SNX7: variants seen among roughly 807,000 people sequenced by gnomAD.
SNX7 encodes the protein sorting nexin-7.
In SNX7, 35 loss-of-function variants were observed where a neutral mutation model predicts 48.4. The observed-to-expected ratio is 0.72, with a 90% CI of 0.55 to 0.96. The LOEUF (loss-of-function observed/expected upper bound fraction) is 0.96, where lower values mean the gene tolerates loss of function less well. Ranked by LOEUF, SNX7 falls within the 40% of genes least tolerant of loss-of-function variation. SNX7 has a pLI of 0.00. For synonymous variants in SNX7, 190 were observed against 190.2 expected, an observed-to-expected ratio of 1.00 and a Z score of 0.01; for missense variants, 553 against 548.9, an observed-to-expected ratio of 1.01 and a Z score of -0.07.
chr1:98,691,478 G>A, intron 3 of SNX7, 57 bp from the exon 4 acceptor site: 1 of 1,392,542 alleles, frequency 7.2e-7, no homozygotes, highest in Non-Finnish European at 9.6e-7. Flanking sequence ...GCGTAGAATT[G>A]CTTATAAACC....
upstream of SNX7, chr1:98,661,698 G>A (rs555236072): frequency 4.8e-5 from 58 of 1,202,524 alleles, 1 homozygote; most frequent in South Asian, 2.3e-3. Context: ...GGCTGGCGGC[G>A]GCGGTGGCGG....
chr1:98,710,341 A>G (rs1030341563), intron 7 of SNX7, among the ~76,000 whole-genome samples: 7 of 152,180 alleles, frequency 4.6e-5, no homozygotes, highest in African/African-American at 1.7e-4. Flanking sequence ...GGGGAGAAGA[A>G]GGAAGAAGAC....
chr1:98,682,425 A>C (rs1650553313), intron 1 of SNX7, among the ~76,000 whole-genome samples: 1 of 151,936 alleles, frequency 6.6e-6, no homozygotes, highest in African/African-American at 2.4e-5. Context: ...ATATTCTCTT[A>C]TTTTGGAGAA....
At chr1:98,677,212 C>T (rs966439082) in intron 1 of SNX7, 5 of 152,208 alleles carry the variant, frequency 3.3e-5, no homozygotes, top group African/African-American at 9.6e-5. Context: ...TTAAAGTTTA[C>T]TGTAATTATC....
chr1:98,686,150 A>G (rs1206929149), intron 2 of SNX7, among the ~76,000 whole-genome samples: 1 of 152,078 alleles, frequency 6.6e-6, no homozygotes, highest in Non-Finnish European at 1.5e-5. Context: ...TCAATATACA[A>G]CTCAAAATGT....
intron 7 of SNX7, among the ~76,000 whole-genome samples, chr1:98,707,031 A>G (rs1652046161): frequency 6.6e-6 from 1 of 152,208 alleles, no homozygotes; most frequent in Non-Finnish European, 1.5e-5. Flanking sequence ...ATTAGCAAAT[A>G]GATGGTATTT....
intron 7 of SNX7, among the ~76,000 whole-genome samples, chr1:98,727,092 C>A (rs954901774): frequency 2.0e-5 from 3 of 152,124 alleles, no homozygotes; most frequent in Admixed American, 2.0e-4. Flanking sequence ...CACCTGTAGT[C>A]TCAGCTACTT....
At chr1:98,701,948 CTAAAA>C in intron 7 of SNX7, 45 bp downstream of exon 7, 1 of 1,382,406 alleles carries the variant, frequency 7.2e-7, no homozygotes, top group Non-Finnish European at 1.0e-6. Context: ...AATTCATTGT[CTAAAA>C]TTTTTATTAG....
At chr1:98,716,603 G>A (rs1191229713) in intron 7 of SNX7, among the ~76,000 whole-genome samples, 1 of 152,146 alleles carries the variant, frequency 6.6e-6, no homozygotes, top group Non-Finnish European at 1.5e-5. Flanking sequence ...GAAGGTAGTA[G>A]TGGAGATTTT....
intron 7 of SNX7, among the ~76,000 whole-genome samples, chr1:98,726,813 C>A (rs61527687): frequency 0.21 from 32,116 of 152,102 alleles, 3,661 homozygotes; most frequent in East Asian, 0.31. Context: ...TAAGTCCCTG[C>A]TAGACTGTAA....
intron 4 of SNX7, 67 bp from the exon 5 acceptor site, chr1:98,695,451 A>G (rs543185180): frequency 2.1e-6 from 3 of 1,455,716 alleles, no homozygotes; most frequent in East Asian, 4.5e-5. Flanking sequence ...AATTAGGTTT[A>G]TTTTTGTATT....
At chr1:98,734,453 G>C in intron 7 of SNX7, among the ~76,000 whole-genome samples, 1 of 152,152 alleles carries the variant, frequency 6.6e-6, no homozygotes, top group Admixed American at 6.6e-5. Flanking sequence ...TTGACTGGCA[G>C]ACATCGGTTT....
chr1:98,688,179 A>T (rs1231221171), intron 2 of SNX7, among the ~76,000 whole-genome samples: 1 of 152,172 alleles, frequency 6.6e-6, no homozygotes, highest in Non-Finnish European at 1.5e-5. Context: ...AAATATTTAT[A>T]TTCATGGGTA....
chr1:98,669,618 G>T (rs1649741072), intron 1 of SNX7, among the ~76,000 whole-genome samples: 2 of 152,180 alleles, frequency 1.3e-5, no homozygotes, highest in African/African-American at 4.8e-5. Flanking sequence ...ATTTAAACAG[G>T]ATTTGTGGTA....
chr1:98,694,801 A>T (rs1570528716), intron 4 of SNX7, among the ~76,000 whole-genome samples: 1 of 150,792 alleles, frequency 6.6e-6, no homozygotes, highest in South Asian at 2.1e-4. Context: ...GTAGAGAGGG[A>T]GTTTCACCGT....
At chr1:98,737,476 C>T (rs1019900155) in intron 7 of SNX7, among the ~76,000 whole-genome samples, 2 of 151,980 alleles carry the variant, frequency 1.3e-5, no homozygotes, top group Non-Finnish European at 2.9e-5. Flanking sequence ...AGGTCTTAGA[C>T]GAATGCCTGC....
intron 1 of SNX7, among the ~76,000 whole-genome samples, chr1:98,679,664 A>G (rs1650369033): frequency 6.6e-6 from 1 of 152,214 alleles, no homozygotes; most frequent in Non-Finnish European, 1.5e-5. Flanking sequence ...CAAAGGGGCT[A>G]CAGGCTCATG....
chr1:98,751,788 A>G (rs988653172), intron 8 of SNX7, among the ~76,000 whole-genome samples: 3 of 152,118 alleles, frequency 2.0e-5, no homozygotes, highest in African/African-American at 7.2e-5. Context: ...AAATGAAATT[A>G]CCTGATTTCA....
In SNX7 at chr1:98,751,460, G is replaced by C. The variant is rs576324596; in HGVS notation, c.1279-8594G>C. 2.0e-5 allele frequency among the ~76,000 whole-genome samples: 3 copies of C among 152,032 alleles called. No individual in the cohort carries two copies. In the East Asian group the frequency reaches 5.8e-4, roughly 30 times the overall value. On this transcript the variant is annotated intron_variant, in intron 8 of 8. Coordinates refer to ENST00000306121, the MANE Select transcript of SNX7 (RefSeq NM_015976.5). ...AACAAAAAGGCTTTGTTTACCTGTT[G>C]GGTCTGTTTTCCCCACCTCTGGCTC...
Sources: allele counts gnomAD v4.1 joint callset (sites outside exome capture counted in the v4.1 genomes callset), GRCh38; gene constraint gnomAD v4.1.1; transcripts MANE v1.5; gene names NCBI Gene and HGNC (gene_info 2026-07-23, HGNC 2026-07-21).